The following ADAMTS18 variants were observed in gnomAD, a reference collection of about 807,000 sequenced individuals.
ADAMTS18 encodes A disintegrin and metalloproteinase with thrombospondin motifs 18.
A neutral mutation model predicts 165.9 loss-of-function variants in ADAMTS18; 157 were observed. The observed-to-expected ratio is 0.95, with a 90% CI of 0.83 to 1.08. The LOEUF (loss-of-function observed/expected upper bound fraction) is 1.08, where lower values mean the gene tolerates loss of function less well. ADAMTS18 is among the 50% of genes least tolerant of loss of function. The pLI, the probability that ADAMTS18 is intolerant of heterozygous loss-of-function variation, is 0.00. For missense variants in ADAMTS18, 2,040 were observed against 1,534.0 expected, an observed-to-expected ratio of 1.33 and a Z score of -5.51; for synonymous variants, 782 against 578.2, an observed-to-expected ratio of 1.35 and a Z score of -5.06.
Position 77,338,622 on chromosome 16 carries a change from C to A in ADAMTS18, c.1711-2718G>T, listed in dbSNP as rs192437330. Among the ~76,000 whole-genome samples the A allele has an allele frequency of 7.9e-4, 120 of 152,016 alleles. 1 individual carries two copies. The highest frequency in any genetic ancestry group is 2.4e-3 in the African/African-American group (101 of 41,486). ...ATTATCTTTTTATAGACAGCATGTA[C>A]AAACCTTTCTTTCCGTGCACACATA... On this transcript the variant is annotated intron_variant, in intron 11 of 22. Transcript: ENST00000282849.
At chr16:77,310,674 C>A (rs186987051) in intron 16 of ADAMTS18, among the ~76,000 whole-genome samples, 1 of 151,968 alleles carries the variant, frequency 6.6e-6, no homozygotes, top group Admixed American at 6.6e-5. Context: ...GTTGCCCAGG[C>A]TGGAGTACAG....
intron 3 of ADAMTS18, among the ~76,000 whole-genome samples, chr16:77,413,049 A>T (rs531215487): frequency 1.3e-5 from 2 of 151,660 alleles, no homozygotes; most frequent in East Asian, 3.9e-4. Context: ...TTATATGTAT[A>T]AAAAAAAACT....
At chr16:77,312,634 G>C (rs1167745225) in intron 16 of ADAMTS18, among the ~76,000 whole-genome samples, 2 of 152,170 alleles carry the variant, frequency 1.3e-5, no homozygotes, top group Non-Finnish European at 2.9e-5. Context: ...GTTGATGAAT[G>C]ACATACAGAG....
intron 3 of ADAMTS18, among the ~76,000 whole-genome samples, chr16:77,385,650 G>A (rs955591598): frequency 2.4e-4 from 37 of 152,190 alleles, no homozygotes; most frequent in African/African-American, 6.3e-4. Context: ...TGGAAGTCTA[G>A]GAATCAGCTG....
chr16:77,411,704 T>TTTTTG (rs2057465664), intron 3 of ADAMTS18, among the ~76,000 whole-genome samples: 3 of 130,146 alleles, frequency 2.3e-5, no homozygotes, highest in Non-Finnish European at 5.1e-5. Flanking sequence ...TTTTTTTTTT[T>TTTTTG]GAGACAGAGT....
At chr16:77,419,696 A>G (rs1026754924) in intron 3 of ADAMTS18, among the ~76,000 whole-genome samples, 1 of 152,092 alleles carries the variant, frequency 6.6e-6, no homozygotes, top group African/African-American at 2.4e-5. Context: ...GGAGCCAGCA[A>G]TTTTGGGGGC....
Position 77,297,039 on chromosome 16 carries a change from C to T in ADAMTS18, c.2801+250G>A, listed in dbSNP as rs139238541. 2.4e-3 allele frequency among the ~76,000 whole-genome samples: 373 copies of T among 152,304 alleles called. 1 individual carries two copies. Among genetic ancestry groups the T allele is most frequent in the African/African-American group, 8.6e-3 (359 of 41,562 alleles). On this transcript the variant is annotated intron_variant, in intron 18 of 22. Transcript: ENST00000282849. ...CACCCAGGCTAATATGTAAGTGGCA[C>T]AATCATGACTCACTGGAGCCTGGAA...
chr16:77,345,001 C>G (rs541284969), intron 10 of ADAMTS18, among the ~76,000 whole-genome samples: 2 of 152,000 alleles, frequency 1.3e-5, no homozygotes, highest in East Asian at 3.9e-4. Flanking sequence ...GGACTTAAGT[C>G]ATAATTTAAG....
At position 77,325,851 on chromosome 16, in the gene ADAMTS18, T is replaced by A; in HGVS notation, c.2032+15A>T. On this transcript the variant is annotated intron_variant, in intron 13 of 22. Coordinates refer to ENST00000282849, the MANE Select transcript of ADAMTS18 (RefSeq NM_199355.4). ...CACATAGAGACTTATTTGAATGTCA[T>A]AGAGACCAAATTACCTTCCACTTTT... 1.2e-6 allele frequency: 2 copies of A among 1,609,778 alleles called. No individual in the cohort carries two copies. Among genetic ancestry groups the A allele is most frequent in the Non-Finnish European group, 1.7e-6 (2 of 1,176,502 alleles).
At chr16:77,410,188 T>A (rs990992598) in intron 3 of ADAMTS18, among the ~76,000 whole-genome samples, 2 of 152,164 alleles carry the variant, frequency 1.3e-5, no homozygotes, top group South Asian at 2.1e-4. Context: ...TCAGATGTAG[T>A]CTCTTCTATT....
intron 3 of ADAMTS18, among the ~76,000 whole-genome samples, chr16:77,418,561 C>T (rs2057559717): frequency 6.6e-6 from 1 of 152,188 alleles, no homozygotes; most frequent in South Asian, 2.1e-4. Flanking sequence ...CTCCAGACAG[C>T]TTCCCCCTAG....
intron 3 of ADAMTS18, among the ~76,000 whole-genome samples, chr16:77,378,439 G>C (rs1199432209): frequency 1.3e-5 from 2 of 152,082 alleles, no homozygotes; most frequent in African/African-American, 4.8e-5. Context: ...AACAGGCTGG[G>C]CACGGTAGCT....
chr16:77,311,893 G>A (rs1366614192), intron 16 of ADAMTS18, among the ~76,000 whole-genome samples: 1 of 152,014 alleles, frequency 6.6e-6, no homozygotes, highest in Non-Finnish European at 1.5e-5. Flanking sequence ...GAAAGATTTT[G>A]GAAAACAATA....
intron 11 of ADAMTS18, among the ~76,000 whole-genome samples, chr16:77,336,545 T>A (rs1230738930): frequency 6.6e-6 from 1 of 152,234 alleles, no homozygotes; most frequent in African/African-American, 2.4e-5. Context: ...TTCCTTTGTC[T>A]ACATAAAAGG....
chr16:77,434,985 C>A lies in ADAMTS18; in HGVS notation c.-290G>T. 1 of 283,188 alleles carries A rather than the reference C, an allele frequency of 3.5e-6. No individual in the cohort carries two copies. Among genetic ancestry groups the A allele is most frequent in the Non-Finnish European group, 6.5e-6 (1 of 153,118 alleles). The allele number at this position is 283,188 out of a possible 1,614,324, so 17.5% of individuals were successfully genotyped here. A position where few individuals can be genotyped will look rare whatever the true frequency, so the allele number is the denominator to read the frequency against. On this transcript the variant is annotated 5_prime_UTR_variant, in exon 1 of 23. Transcript: ENST00000282849. ...GGAGCGCAAACGGTTGGGAGACTGT[C>A]GGTGTCTGCCCGCCCGTCTGTGCGT...
At chr16:77,355,202 TTGTG>T (rs141620918) in intron 9 of ADAMTS18, among the ~76,000 whole-genome samples, 2,201 of 146,698 alleles carry the variant, frequency 0.015, 27 homozygotes, top group African/African-American at 0.025. Context: ...AAAGGTAGGA[TTGTG>T]TGTGTGTGTG....
At chr16:77,320,185 T>C (rs2055970000) in intron 15 of ADAMTS18, 92 bp from the exon 16 acceptor site, 4 of 1,474,640 alleles carry the variant, frequency 2.7e-6, no homozygotes, top group East Asian at 2.3e-5. Context: ...TTCAGTTTTA[T>C]AGAGTGAGGT....
chr16:77,431,181 G>A, intron 3 of ADAMTS18, 114 bp downstream of exon 3: 1 of 1,108,596 alleles, frequency 9.0e-7, no homozygotes, highest in Non-Finnish European at 1.4e-6. Context: ...TATCAAGGCT[G>A]ACAGTGTGAA....
At chr16:77,345,485 C>T (rs2056462487) in intron 10 of ADAMTS18, among the ~76,000 whole-genome samples, 1 of 152,158 alleles carries the variant, frequency 6.6e-6, no homozygotes, top group Admixed American at 6.5e-5. Flanking sequence ...GGCCACCTTC[C>T]ATTTCTACTA....
Sources: allele counts gnomAD v4.1 joint callset (sites outside exome capture counted in the v4.1 genomes callset), GRCh38; gene constraint gnomAD v4.1.1; transcripts MANE v1.5; gene names NCBI Gene and HGNC (gene_info 2026-07-23, HGNC 2026-07-21).